Variants in EPHA6 observed in about 807,000 individuals in gnomAD.
EPHA6 encodes ephrin type-A receptor 6.
EPHA6 carries 50 observed loss-of-function variants against 112.0 expected under a neutral mutation model. The ratio of observed to expected loss-of-function variants is 0.45; its 90% CI spans 0.36 to 0.56. The LOEUF is 0.56. Among genes scored for constraint, EPHA6 ranks in the 20% least tolerant of loss-of-function variants. EPHA6 has a pLI of 0.00. For missense variants in EPHA6, 1,280 were observed against 1,417.4 expected, an observed-to-expected ratio of 0.90 and a Z score of 1.56; for synonymous variants, 529 against 490.7, an observed-to-expected ratio of 1.08 and a Z score of -1.03.
chr3:97,133,313 G>T (rs912050891), intron 3 of EPHA6, among the ~76,000 whole-genome samples: 1 of 151,980 alleles, frequency 6.6e-6, no homozygotes, highest in Non-Finnish European at 1.5e-5. Context: ...AAGCAACAAG[G>T]TTTTTTAAGA....
rs73133078 is a variant in EPHA6 at position 97,463,960 on chromosome 3, A to G, written c.1895-11392A>G. Among the ~76,000 whole-genome samples, 434 of 152,306 alleles carry G rather than the reference A, an allele frequency of 2.8e-3. 1 individual carries two copies. The highest frequency in any genetic ancestry group is 4.0e-3 in the Non-Finnish European group (271 of 68,018). On this transcript the variant is annotated intron_variant, in intron 7 of 17. Transcript: ENST00000389672. ...GAGGAATGAAGAAATGTCCCAGACT[A>G]GGCTTCAAAAAAGATTGAGACAAGA...
At chr3:97,626,914 C>T (rs76537786) in intron 13 of EPHA6, among the ~76,000 whole-genome samples, 1,958 of 151,954 alleles carry the variant, frequency 0.013, 25 homozygotes, top group South Asian at 0.038. Flanking sequence ...GAAATGACAA[C>T]TTCCAGATGT....
At chr3:96,938,954 G>T (rs2040770110) in intron 2 of EPHA6, among the ~76,000 whole-genome samples, 1 of 152,144 alleles carries the variant, frequency 6.6e-6, no homozygotes, top group Admixed American at 6.5e-5. Flanking sequence ...CAGGGATGAA[G>T]CCCACTTGAT....
intron 4 of EPHA6, among the ~76,000 whole-genome samples, chr3:97,233,462 G>C (rs2078591677): frequency 6.6e-6 from 1 of 152,112 alleles, no homozygotes; most frequent in African/African-American, 2.4e-5. Flanking sequence ...AGTCCAGCAA[G>C]ATATAGAACT....
At chr3:97,300,926 A>C (rs1413485995) in intron 5 of EPHA6, among the ~76,000 whole-genome samples, 1 of 152,076 alleles carries the variant, frequency 6.6e-6, no homozygotes, top group Non-Finnish European at 1.5e-5. Context: ...ATCCTGTGAG[A>C]GTCCTGAAAT....
At chr3:97,586,651 A>G (rs1257086624) in intron 11 of EPHA6, among the ~76,000 whole-genome samples, 1 of 152,152 alleles carries the variant, frequency 6.6e-6, no homozygotes, top group African/African-American at 2.4e-5. Context: ...GATAGGAGAC[A>G]GAAGATAGAA....
At chr3:96,902,426 C>G (rs1332145925) in intron 2 of EPHA6, among the ~76,000 whole-genome samples, 2 of 152,072 alleles carry the variant, frequency 1.3e-5, no homozygotes, top group African/African-American at 4.8e-5. Context: ...GCTGGAGGGG[C>G]AAAAGGGAAA....
chr3:97,065,978 A>C (rs1376863429), intron 3 of EPHA6, among the ~76,000 whole-genome samples: 1 of 151,898 alleles, frequency 6.6e-6, no homozygotes, highest in Non-Finnish European at 1.5e-5. Context: ...AACTCTAAAA[A>C]CTCTTTTTAA....
rs1003154140 is a variant in EPHA6, at chr3:97,637,731, T to G, written c.2575-142T>G. The G allele has an allele frequency of 1.8e-5, 11 of 624,150 alleles. No individual in the cohort carries two copies. The African/African-American group carries it at 1.9e-4, about 11-fold the overall frequency. The allele number at this position is 624,150 out of a possible 1,614,324, so 38.7% of individuals were successfully genotyped here. On this transcript the variant is annotated intron_variant, in intron 13 of 17. Transcript: ENST00000389672. ...ATGTCAAACAAATTATTACTTTTCC[T>G]TATGAATATAGTCAGTGATCACCAA...
intron 1 of EPHA6, among the ~76,000 whole-genome samples, chr3:96,833,385 A>G (rs1356745965): frequency 6.6e-6 from 1 of 151,818 alleles, no homozygotes; most frequent in East Asian, 1.9e-4. Context: ...CCTTCAGAAG[A>G]AACTAACTCT....
intron 2 of EPHA6, among the ~76,000 whole-genome samples, chr3:96,898,077 A>G (rs577820747): frequency 6.6e-6 from 1 of 152,188 alleles, no homozygotes; most frequent in Non-Finnish European, 1.5e-5. Context: ...TAAGAAATCA[A>G]TGTTGTTGAA....
At chr3:97,067,471 G>A (rs1235369047) in intron 3 of EPHA6, among the ~76,000 whole-genome samples, 1 of 151,954 alleles carries the variant, frequency 6.6e-6, no homozygotes, top group Non-Finnish European at 1.5e-5. Context: ...GCTGAAAAGA[G>A]AAGAGTGAAG....
chr3:97,212,886 A>G (rs2077915201), intron 3 of EPHA6, among the ~76,000 whole-genome samples: 1 of 152,160 alleles, frequency 6.6e-6, no homozygotes, highest in African/African-American at 2.4e-5. Context: ...TTCTAAGTTC[A>G]TGTGTCAAAA....
At chr3:97,515,599 C>T in intron 10 of EPHA6, among the ~76,000 whole-genome samples, 1 of 152,210 alleles carries the variant, frequency 6.6e-6, no homozygotes, top group Admixed American at 6.5e-5. Flanking sequence ...GGGAAGAAAT[C>T]AGGTAGTATG....
At chr3:97,545,552 G>C (rs905216819) in intron 11 of EPHA6, among the ~76,000 whole-genome samples, 1 of 152,184 alleles carries the variant, frequency 6.6e-6, no homozygotes, top group African/African-American at 2.4e-5. Flanking sequence ...TTGATTTGGG[G>C]TGGAGAGTTC....
intron 5 of EPHA6, among the ~76,000 whole-genome samples, chr3:97,325,133 A>C (rs1367506392): frequency 6.6e-6 from 1 of 152,120 alleles, no homozygotes; most frequent in Non-Finnish European, 1.5e-5. Flanking sequence ...AATTTCTTCA[A>C]CTGTAAAATG....
intron 11 of EPHA6, among the ~76,000 whole-genome samples, chr3:97,584,475 G>T (rs754581843): frequency 6.6e-6 from 1 of 152,130 alleles, no homozygotes; most frequent in African/African-American, 2.4e-5. Context: ...CAACAGAATC[G>T]CTTTGTCATC....
intron 3 of EPHA6, among the ~76,000 whole-genome samples, chr3:97,120,578 T>TA (rs142429710): frequency 1.3e-5 from 2 of 151,800 alleles, no homozygotes; most frequent in South Asian, 2.1e-4. Flanking sequence ...ATTTCTTAGT[T>TA]AAAAAAAGGG....
At chr3:97,016,040 GAAA>G (rs1553688571) in intron 3 of EPHA6, among the ~76,000 whole-genome samples, 2 of 92,108 alleles carry the variant, frequency 2.2e-5, no homozygotes, top group East Asian at 2.3e-4. Flanking sequence ...CATTCTTCCT[GAAA>G]AAAAAAAAAA....
Sources: gnomAD v4.1 joint callset for allele counts (sites outside exome capture counted in the v4.1 genomes callset) on GRCh38, gnomAD v4.1.1 for gene constraint, MANE v1.5 for transcripts, NCBI Gene and HGNC (gene_info 2026-07-23, HGNC 2026-07-21) for gene names.